The following CDK19 variants were observed in gnomAD, a reference collection of about 807,000 sequenced individuals.
The protein encoded by CDK19 is cyclin dependent kinase 19, also known as cyclin-dependent kinase 19.
A neutral mutation model predicts 68.3 loss-of-function variants in CDK19; 20 were observed. The ratio of observed to expected loss-of-function variants is 0.29; its 90% CI spans 0.21 to 0.43. The LOEUF (loss-of-function observed/expected upper bound fraction) is 0.43, where lower values mean the gene tolerates loss of function less well. CDK19 is among the 20% of genes least tolerant of loss of function. The pLI, the probability that CDK19 is intolerant of heterozygous loss-of-function variation, is 1.00. For synonymous variants in CDK19, 221 were observed against 222.8 expected, an observed-to-expected ratio of 0.99 and a Z score of 0.07; for missense variants, 339 against 623.5, an observed-to-expected ratio of 0.54 and a Z score of 4.86.
chr6:110,693,676 A>G (rs1457877427), intron 2 of CDK19, among the ~76,000 whole-genome samples: 4 of 152,198 alleles, frequency 2.6e-5, no homozygotes, highest in African/African-American at 9.7e-5. Context: ...AGAGGCAGCC[A>G]TAATTCCCCT....
At chr6:110,752,792 T>G (rs1778562084) in intron 1 of CDK19, among the ~76,000 whole-genome samples, 1 of 152,168 alleles carries the variant, frequency 6.6e-6, no homozygotes, top group South Asian at 2.1e-4. Flanking sequence ...GGTCCCAAAC[T>G]CTTGACCTCA....
chr6:110,734,522 T>TCTCTCTCTCTCTCC (rs1777060796), intron 2 of CDK19, among the ~76,000 whole-genome samples: 1 of 106,938 alleles, frequency 9.4e-6, no homozygotes, highest in Non-Finnish European at 2.0e-5. Context: ...TGAGCACTGC[T>TCTCTCTCTCTCTCC]CTCTCTCTCT....
intron 4 of CDK19, among the ~76,000 whole-genome samples, chr6:110,661,896 A>C (rs1369592601): frequency 6.6e-6 from 1 of 152,206 alleles, no homozygotes; most frequent in Non-Finnish European, 1.5e-5. Flanking sequence ...ACTTCAAAAG[A>C]CTGCAAATTC....
At chr6:110,811,866 C>T (rs1289819766) in intron 1 of CDK19, among the ~76,000 whole-genome samples, 3 of 149,662 alleles carry the variant, frequency 2.0e-5, no homozygotes, top group African/African-American at 7.5e-5. Context: ...AAAAAAAGAA[C>T]AACTTTTAAA....
At chr6:110,685,486 T>A (rs2114543547) in intron 2 of CDK19, among the ~76,000 whole-genome samples, 1 of 152,314 alleles carries the variant, frequency 6.6e-6, no homozygotes, top group East Asian at 1.9e-4. Context: ...TATAATTGTC[T>A]CCCCCTAACT....
At chr6:110,669,313 T>C (rs1336875097) in intron 3 of CDK19, among the ~76,000 whole-genome samples, 3 of 152,218 alleles carry the variant, frequency 2.0e-5, no homozygotes, top group Non-Finnish European at 2.9e-5. Context: ...AACCACATTA[T>C]ATTAAATCAA....
chr6:110,616,424 T>G (rs1321413010), intron 12 of CDK19, among the ~76,000 whole-genome samples: 1 of 152,078 alleles, frequency 6.6e-6, no homozygotes, highest in Non-Finnish European at 1.5e-5. Flanking sequence ...TCCCAGCACT[T>G]TGGGAGGCTG....
At chr6:110,768,877 G>A (rs940181258) in intron 1 of CDK19, among the ~76,000 whole-genome samples, 1 of 152,060 alleles carries the variant, frequency 6.6e-6, no homozygotes, top group African/African-American at 2.4e-5. Context: ...TGAAGGCCAG[G>A]CATGGTGGCT....
chr6:110,647,391 T>TG (rs1403206025), intron 4 of CDK19, among the ~76,000 whole-genome samples: 6 of 62,716 alleles, frequency 9.6e-5, no homozygotes, highest in Non-Finnish European at 1.3e-4. Context: ...TGAAGGGGGG[T>TG]GGGGGGGAGG....
At chr6:110,749,772 C>T (rs920494292) in intron 1 of CDK19, among the ~76,000 whole-genome samples, 1 of 151,690 alleles carries the variant, frequency 6.6e-6, no homozygotes, top group Non-Finnish European at 1.5e-5. Flanking sequence ...TGAATGACCA[C>T]ACTATTTTTT....
rs1001290970 is a variant in CDK19, at chr6:110,611,074, C to T, written c.*3461G>A. The stretch of plus-strand genomic sequence containing the variant: ...ACAGAGATATAAAAATATACATAAT[C>T]CTTGGTCTTTGTATGTCACTGCATG... On this transcript the variant is annotated 3_prime_UTR_variant, in exon 13 of 13. Coordinates refer to ENST00000368911, the MANE Select transcript of CDK19 (RefSeq NM_015076.5). 1 of 152,168 alleles carries T rather than the reference C, an allele frequency of 6.6e-6. No homozygotes were observed. The highest frequency in any genetic ancestry group is 2.4e-5 in the African/African-American group (1 of 41,432). The allele number at this position is 152,168 out of a possible 1,614,324, so 9.4% of individuals were successfully genotyped here. A position where few individuals can be genotyped will look rare whatever the true frequency, so the allele number is the denominator to read the frequency against.
At chr6:110,741,418 G>A (rs1031753743) in intron 2 of CDK19, among the ~76,000 whole-genome samples, 9 of 151,752 alleles carry the variant, frequency 5.9e-5, no homozygotes, top group Non-Finnish European at 1.0e-4. Context: ...GCATGATTAT[G>A]CCACTGCACT....
chr6:110,796,145 T>C (rs934643335), intron 1 of CDK19, among the ~76,000 whole-genome samples: 1 of 152,114 alleles, frequency 6.6e-6, no homozygotes, highest in Non-Finnish European at 1.5e-5. Flanking sequence ...GAGACCATCC[T>C]GGCCAACATG....
At chr6:110,774,775 C>T (rs1780276476) in intron 1 of CDK19, among the ~76,000 whole-genome samples, 1 of 152,130 alleles carries the variant, frequency 6.6e-6, no homozygotes, top group African/African-American at 2.4e-5. Flanking sequence ...CAGGGCGAAC[C>T]CCATCTCTAC....
chr6:110,701,203 C>A (rs770646626), intron 2 of CDK19, among the ~76,000 whole-genome samples: 9 of 146,522 alleles, frequency 6.1e-5, no homozygotes, highest in Non-Finnish European at 1.3e-4. Flanking sequence ...GACTCCATCT[C>A]AAAAAAAATT....
At chr6:110,753,303 T>C (rs1778598830) in intron 1 of CDK19, among the ~76,000 whole-genome samples, 1 of 152,126 alleles carries the variant, frequency 6.6e-6, no homozygotes. Context: ...CAGATAAATA[T>C]TTAGTATTTT....
chr6:110,722,396 T>G (rs554160291), intron 2 of CDK19: 1 of 152,078 alleles, frequency 6.6e-6, no homozygotes, highest in African/African-American at 2.4e-5. Context: ...CTAAGCAATT[T>G]TGACTTAAAA....
At chr6:110,697,183 T>C (rs1417897671) in intron 2 of CDK19, among the ~76,000 whole-genome samples, 2 of 151,840 alleles carry the variant, frequency 1.3e-5, no homozygotes, top group Admixed American at 1.3e-4. Context: ...TGAGCTGAGA[T>C]TGAGCCATTG....
chr6:110,776,289 C>T (rs1269924897), intron 1 of CDK19, among the ~76,000 whole-genome samples: 3 of 152,172 alleles, frequency 2.0e-5, no homozygotes, highest in Admixed American at 1.3e-4. Flanking sequence ...ATCAGCTGGG[C>T]GCAGTGGCAT....
Sources: allele counts gnomAD v4.1 joint callset (sites outside exome capture counted in the v4.1 genomes callset), GRCh38; gene constraint gnomAD v4.1.1; transcripts MANE v1.5; gene names NCBI Gene and HGNC (gene_info 2026-07-23, HGNC 2026-07-21).